ZNF385D: variants seen among roughly 807,000 people sequenced by gnomAD.
The protein encoded by ZNF385D is zinc finger protein 659.
In ZNF385D, 15 loss-of-function variants were observed where a neutral mutation model predicts 35.8. The observed-to-expected ratio is 0.42, with a 90% CI of 0.28 to 0.64. The LOEUF is 0.64. Ranked by LOEUF, ZNF385D falls within the 30% of genes least tolerant of loss-of-function variation. The pLI is 0.23. For synonymous variants in ZNF385D, 212 were observed against 186.8 expected (o/e 1.13, Z -1.10); for missense variants, 474 against 494.6 (o/e 0.96, Z 0.39).
At chr3:22,142,202 C>T (rs1704548994) in intron 3 of ZNF385D, among the ~76,000 whole-genome samples, 1 of 152,134 alleles carries the variant, frequency 6.6e-6, no homozygotes, top group Non-Finnish European at 1.5e-5. Context: ...ATATTTTCTT[C>T]AGTATGTTCT....
At chr3:21,627,682 T>A (rs1233205409) in intron 2 of ZNF385D, among the ~76,000 whole-genome samples, 5 of 152,142 alleles carry the variant, frequency 3.3e-5, no homozygotes, top group Admixed American at 2.6e-4. Flanking sequence ...TTAGGCAATG[T>A]GCAATAGTAT....
chr3:22,068,917 G>T (rs1002499348), intron 3 of ZNF385D, among the ~76,000 whole-genome samples: 16 of 152,170 alleles, frequency 1.1e-4, no homozygotes, highest in Admixed American at 2.6e-4. Context: ...ATGGAGGAAG[G>T]TGTCTCAGGA....
At chr3:22,047,135 C>T (rs1699051699) in intron 3 of ZNF385D, among the ~76,000 whole-genome samples, 1 of 152,064 alleles carries the variant, frequency 6.6e-6, no homozygotes, top group Non-Finnish European at 1.5e-5. Context: ...AAAAATTATA[C>T]ACATGTATGG....
intron 2 of ZNF385D, among the ~76,000 whole-genome samples, chr3:22,342,503 C>G (rs1395500396): frequency 3.9e-5 from 6 of 151,942 alleles, no homozygotes; most frequent in Non-Finnish European, 1.5e-5. Flanking sequence ...ACCTGAACAA[C>G]TTATTTAGAA....
intron 3 of ZNF385D, among the ~76,000 whole-genome samples, chr3:22,153,869 C>T (rs974215955): frequency 6.6e-6 from 1 of 152,010 alleles, no homozygotes; most frequent in Non-Finnish European, 1.5e-5. Context: ...TTCTGGATAC[C>T]TTTTACTCCC....
intron 4 of ZNF385D, among the ~76,000 whole-genome samples, chr3:21,506,510 C>T (rs1253974461): frequency 6.6e-6 from 1 of 152,104 alleles, no homozygotes; most frequent in Non-Finnish European, 1.5e-5. Context: ...CTTATTCAGA[C>T]AAATCTGAAT....
chr3:22,087,221 A>G (rs945988535), intron 3 of ZNF385D, among the ~76,000 whole-genome samples: 1 of 147,548 alleles, frequency 6.8e-6, no homozygotes, highest in Non-Finnish European at 1.5e-5. Flanking sequence ...AAATTAAGCA[A>G]TAAACTCTTT....
chr3:22,104,146 C>G (rs1702084105), intron 3 of ZNF385D, among the ~76,000 whole-genome samples: 1 of 152,050 alleles, frequency 6.6e-6, no homozygotes, highest in South Asian at 2.1e-4. Flanking sequence ...TGGTCCAGCT[C>G]TGAGGGAAAA....
chr3:21,835,970 AG>A, intron 3 of ZNF385D, among the ~76,000 whole-genome samples: 1 of 152,094 alleles, frequency 6.6e-6, no homozygotes, highest in South Asian at 2.1e-4. Flanking sequence ...AGTTGAGGTG[AG>A]GAGTGAATAG....
chr3:21,865,025 T>C (rs1426388417), intron 3 of ZNF385D, among the ~76,000 whole-genome samples: 1 of 132,854 alleles, frequency 7.5e-6, no homozygotes, highest in African/African-American at 2.8e-5. Flanking sequence ...CAGCAATTAC[T>C]CTGTGGGGTA....
At chr3:22,220,581 T>C (rs551682857) in intron 2 of ZNF385D, among the ~76,000 whole-genome samples, 2 of 152,308 alleles carry the variant, frequency 1.3e-5, no homozygotes, top group South Asian at 4.1e-4. Context: ...GTACAAACAC[T>C]ATTCACAAGT....
chr3:22,303,587 C>T (rs564483357), intron 2 of ZNF385D, among the ~76,000 whole-genome samples: 3 of 152,056 alleles, frequency 2.0e-5, no homozygotes, highest in South Asian at 4.1e-4. Context: ...TTTTCCTTTG[C>T]TTTTCTGTGC....
intron 3 of ZNF385D, among the ~76,000 whole-genome samples, chr3:21,779,794 T>A (rs1177513218): frequency 1.3e-5 from 2 of 151,922 alleles, no homozygotes; most frequent in Non-Finnish European, 2.9e-5. Flanking sequence ...ATGTTTATAT[T>A]AGTTGCTGAG....
intron 3 of ZNF385D, among the ~76,000 whole-genome samples, chr3:22,137,456 C>CA (rs1704215449): frequency 6.6e-6 from 1 of 152,128 alleles, no homozygotes; most frequent in South Asian, 2.1e-4. Context: ...AACAGCACAT[C>CA]AAAAAGCTTA....
intron 2 of ZNF385D, among the ~76,000 whole-genome samples, chr3:21,590,479 TTTA>T (rs1318127384): frequency 1.3e-5 from 2 of 152,158 alleles, no homozygotes; most frequent in African/African-American, 4.8e-5. Flanking sequence ...CATCAAATAT[TTTA>T]TTGAAGAAAG....
chr3:22,209,472 A>G (rs1559453787), intron 2 of ZNF385D, among the ~76,000 whole-genome samples: 2 of 151,834 alleles, frequency 1.3e-5, no homozygotes, highest in Non-Finnish European at 2.9e-5. Context: ...TCTACCCTAC[A>G]TATGGTGTTG....
intron 2 of ZNF385D, among the ~76,000 whole-genome samples, chr3:21,614,601 G>GT (rs767787516): frequency 1.3e-5 from 2 of 152,070 alleles, no homozygotes; most frequent in African/African-American, 2.4e-5. Flanking sequence ...TTGTTTGTTT[G>GT]TTTTTTTGAG....
At chr3:21,982,311 T>C (rs1694511775) in intron 3 of ZNF385D, among the ~76,000 whole-genome samples, 1 of 152,132 alleles carries the variant, frequency 6.6e-6, no homozygotes, top group African/African-American at 2.4e-5. Flanking sequence ...GCTGTATTTC[T>C]AGGTTTTCTA....
chr3:22,094,410 A>ATATATATATATAT (rs1386186822), intron 3 of ZNF385D, among the ~76,000 whole-genome samples: 31 of 83,394 alleles, frequency 3.7e-4, no homozygotes, highest in Non-Finnish European at 4.8e-4. Flanking sequence ...ATATATATAT[A>ATATATATATATAT]AAGGCATTTG....
Sources: allele counts gnomAD v4.1 joint callset (sites outside exome capture counted in the v4.1 genomes callset), GRCh38; gene constraint gnomAD v4.1.1; transcripts MANE v1.5; gene names NCBI Gene and HGNC (gene_info 2026-07-23, HGNC 2026-07-21).